The following ASB3 variants were observed in gnomAD, a reference collection of about 807,000 sequenced individuals.
The protein encoded by ASB3 is ankyrin repeat and SOCS box containing 3, also known as ankyrin repeat and SOCS box protein 3.
In ASB3, 41 loss-of-function variants were observed where a neutral mutation model predicts 54.5. The observed-to-expected ratio is 0.75, with a 90% CI of 0.59 to 0.98. ASB3 has a LOEUF of 0.98. Among genes scored for constraint, ASB3 ranks in the 50% least tolerant of loss-of-function variants. The pLI, the probability that ASB3 is intolerant of heterozygous loss-of-function variation, is 0.00. For synonymous variants in ASB3, 266 were observed against 221.2 expected (o/e 1.20, Z -1.80); for missense variants, 733 against 620.0 (o/e 1.18, Z -1.94).
rs753750238 is a variant in ASB3 at position 53,670,661 on chromosome 2, G to C, written c.1399C>G (p.Arg467Gly). ...ATVPSLTHLC[R>G]LEIRSSLKSE... ...TTTAGACTGGACCGAATTTCCAAAC[G>C]ACAAAGATGGGTCAGGGATGGAACA... Residue 467 changes from arginine to glycine, a missense_variant, in exon 10 of 10, where the codon CGT becomes GGT. Coordinates refer to ENST00000263634, the MANE Select transcript of ASB3 (RefSeq NM_016115.5). The C allele has an allele frequency of 6.2e-7, 1 of 1,613,558 alleles. No individual in the cohort carries two copies. The highest frequency in any genetic ancestry group is 8.5e-7 in the Non-Finnish European group (1 of 1,179,880).
chr2:53,731,159 T>G (rs1324025514), intron 3 of ASB3, among the ~76,000 whole-genome samples: 1 of 152,164 alleles, frequency 6.6e-6, no homozygotes, highest in Non-Finnish European at 1.5e-5. Flanking sequence ...CCCAGCACTT[T>G]GGGAGGCTAA....
intron 7 of ASB3, among the ~76,000 whole-genome samples, chr2:53,708,046 G>A (rs1221719707): frequency 6.6e-6 from 1 of 152,012 alleles, no homozygotes; most frequent in Non-Finnish European, 1.5e-5. Flanking sequence ...TAGATCTACT[G>A]ATGTGGTTTG....
Position 53,670,539 on chromosome 2 carries a change from A to T in ASB3, c.1521T>A (p.Tyr507Ter). 1 of 1,613,988 alleles carries T rather than the reference A, an allele frequency of 6.2e-7. No individual in the cohort carries two copies. Among genetic ancestry groups the T allele is most frequent in the Non-Finnish European group, 8.5e-7 (1 of 1,179,990 alleles). ...YLLYEDVLRM[Y>*]EVPELAAIQD... ...GAATAGCTGCCAGTTCTGGAACTTC[A>T]TACATCCTCAGAACGTCTTCATAGA... Residue 507 changes from tyrosine (Y) to a stop codon, truncating the protein, a stop_gained, in exon 10 of 10, where the codon TAT becomes TAA. Transcript: ENST00000263634. LOFTEE classifies it high-confidence loss of function.
intron 2 of ASB3, among the ~76,000 whole-genome samples, chr2:53,764,664 C>T (rs1673336002): frequency 6.6e-6 from 1 of 152,142 alleles, no homozygotes; most frequent in African/African-American, 2.4e-5. Context: ...GGGAAGAAAG[C>T]CCAGTTTATA....
chr2:53,767,869 C>G (rs1480615434), intron 1 of ASB3: 10 of 1,596,646 alleles, frequency 6.3e-6, no homozygotes, highest in Non-Finnish European at 8.5e-6. Flanking sequence ...GCCACTGGGG[C>G]AGAGGAGCCG....
At chr2:53,745,751 G>A (rs1334844387) in intron 3 of ASB3, among the ~76,000 whole-genome samples, 2 of 152,164 alleles carry the variant, frequency 1.3e-5, no homozygotes, top group Non-Finnish European at 2.9e-5. Context: ...TCCCTTGAGG[G>A]AGAGAAACAA....
At chr2:53,768,088 C>T in intron 1 of ASB3, 1 of 1,566,286 alleles carries the variant, frequency 6.4e-7, no homozygotes, top group Non-Finnish European at 8.7e-7. Flanking sequence ...CCACACACAG[C>T]ACCCACACCC....
At chr2:53,678,337 G>A (rs1407500312) in intron 9 of ASB3, among the ~76,000 whole-genome samples, 3 of 152,078 alleles carry the variant, frequency 2.0e-5, no homozygotes, top group African/African-American at 7.2e-5. Flanking sequence ...CGGTAACCCA[G>A]GTGGTCATCA....
chr2:53,690,645 T>A (rs1461538482), intron 9 of ASB3, among the ~76,000 whole-genome samples: 1 of 152,060 alleles, frequency 6.6e-6, no homozygotes, highest in Non-Finnish European at 1.5e-5. Context: ...AACAGACAAG[T>A]ATCAAATTCC....
chr2:53,770,067 T>A (rs1282130777), intron 1 of ASB3, among the ~76,000 whole-genome samples: 1 of 152,188 alleles, frequency 6.6e-6, no homozygotes, highest in South Asian at 2.1e-4. Context: ...CACTTTGAAA[T>A]TGAAAATAAT....
At chr2:53,732,625 C>T (rs1183674701) in intron 3 of ASB3, among the ~76,000 whole-genome samples, 1 of 151,982 alleles carries the variant, frequency 6.6e-6, no homozygotes, top group Non-Finnish European at 1.5e-5. Flanking sequence ...TTTTTTTAAC[C>T]TTATGATGCA....
At chr2:53,777,276 ACCAC>A (rs1017577006) in intron 1 of ASB3, among the ~76,000 whole-genome samples, 13 of 152,096 alleles carry the variant, frequency 8.5e-5, no homozygotes, top group Non-Finnish European at 1.8e-4. Flanking sequence ...ACTCTGCCAT[ACCAC>A]CCAATCATTA....
intron 2 of ASB3, among the ~76,000 whole-genome samples, chr2:53,754,319 C>G (rs1672695832): frequency 6.6e-6 from 1 of 152,118 alleles, no homozygotes; most frequent in Non-Finnish European, 1.5e-5. Context: ...GTAAAGACTA[C>G]TCCATCAAGG....
At chr2:53,751,210 T>G (rs1672492974) in intron 2 of ASB3, among the ~76,000 whole-genome samples, 1 of 152,020 alleles carries the variant, frequency 6.6e-6, no homozygotes, top group South Asian at 2.1e-4. Flanking sequence ...GGAAGAGGAG[T>G]GGCAGAAATT....
At chr2:53,716,387 G>A (rs1367385567) in intron 6 of ASB3, among the ~76,000 whole-genome samples, 179 bp downstream of exon 6, 3 of 152,090 alleles carry the variant, frequency 2.0e-5, no homozygotes, top group African/African-American at 7.2e-5. Flanking sequence ...GAAAGTGCAG[G>A]AATAGTAGGA....
intron 7 of ASB3, among the ~76,000 whole-genome samples, chr2:53,713,891 C>T (rs1278678099): frequency 6.6e-6 from 1 of 151,860 alleles, no homozygotes; most frequent in Admixed American, 6.6e-5. Flanking sequence ...CCAGCCCGGG[C>T]CACAGAGTGA....
chr2:53,767,455 G>C (rs1178722938), intron 1 of ASB3: 3 of 157,386 alleles, frequency 1.9e-5, no homozygotes, highest in East Asian at 1.8e-4. Context: ...CTGCGGTGCT[G>C]GTACACCGCC....
chr2:53,746,591 G>C (rs1407109638), intron 3 of ASB3, among the ~76,000 whole-genome samples: 1 of 151,362 alleles, frequency 6.6e-6, no homozygotes, highest in East Asian at 1.9e-4. Flanking sequence ...TGATTCTCCA[G>C]CCTCAGCCTC....
At chr2:53,744,718 C>CA in intron 3 of ASB3, among the ~76,000 whole-genome samples, 1 of 152,098 alleles carries the variant, frequency 6.6e-6, no homozygotes. Flanking sequence ...CATAGCACAT[C>CA]AAAAAATAGC....
Sources: allele counts gnomAD v4.1 joint callset (sites outside exome capture counted in the v4.1 genomes callset), GRCh38; gene constraint gnomAD v4.1.1; transcripts MANE v1.5; gene names NCBI Gene and HGNC (gene_info 2026-07-23, HGNC 2026-07-21).